The following CLSTN2 variants were observed in gnomAD, a reference collection of about 807,000 sequenced individuals.
The protein encoded by CLSTN2 is calsyntenin-2.
A neutral mutation model predicts 101.2 loss-of-function variants in CLSTN2; 48 were observed. That is an observed-to-expected ratio of 0.47 (90% confidence interval 0.38 to 0.60). The LOEUF (loss-of-function observed/expected upper bound fraction) is 0.60. CLSTN2 is among the 20% of genes least tolerant of loss of function. The pLI, the probability that CLSTN2 is intolerant of heterozygous loss-of-function variation, is 0.00. For missense variants in CLSTN2, 1,160 were observed against 1,238.2 expected, an observed-to-expected ratio of 0.94 and a Z score of 0.95; for synonymous variants, 481 against 463.6, an observed-to-expected ratio of 1.04 and a Z score of -0.48.
intron 1 of CLSTN2, among the ~76,000 whole-genome samples, chr3:139,938,941 T>C (rs1216629088): frequency 7.1e-6 from 1 of 140,406 alleles, no homozygotes; most frequent in Non-Finnish European, 1.6e-5. Context: ...CTACCTTTCT[T>C]TTTTTTTTAA....
At chr3:140,459,824 G>T in intron 7 of CLSTN2, 55 bp downstream of exon 7, 1 of 1,599,308 alleles carries the variant, frequency 6.3e-7, no homozygotes, top group Non-Finnish European at 8.6e-7. Context: ...TGCCCATTTT[G>T]TCACAGGTGG....
intron 1 of CLSTN2, among the ~76,000 whole-genome samples, chr3:139,950,013 G>T (rs543836143): frequency 6.6e-6 from 1 of 152,366 alleles, no homozygotes; most frequent in African/African-American, 2.4e-5. Context: ...GATGCTGAAT[G>T]TGATGAGGCC....
At chr3:139,971,382 A>T (rs1935700291) in intron 1 of CLSTN2, among the ~76,000 whole-genome samples, 1 of 152,232 alleles carries the variant, frequency 6.6e-6, no homozygotes, top group Non-Finnish European at 1.5e-5. Flanking sequence ...AACAAAATTT[A>T]TTCAACAATC....
At chr3:139,963,495 C>A (rs1460499897) in intron 1 of CLSTN2, among the ~76,000 whole-genome samples, 1 of 152,046 alleles carries the variant, frequency 6.6e-6, no homozygotes, top group Non-Finnish European at 1.5e-5. Flanking sequence ...TCACACATGA[C>A]CCACCTTGGA....
chr3:140,311,428 C>T (rs1187173274), intron 2 of CLSTN2, among the ~76,000 whole-genome samples: 2 of 147,108 alleles, frequency 1.4e-5, no homozygotes, highest in Non-Finnish European at 3.0e-5. Flanking sequence ...GCCTCAGCCT[C>T]CCTAGTAGCT....
At chr3:140,259,542 C>G (rs1221233932) in intron 2 of CLSTN2, among the ~76,000 whole-genome samples, 1 of 152,104 alleles carries the variant, frequency 6.6e-6, no homozygotes, top group Non-Finnish European at 1.5e-5. Context: ...TTTTGACATT[C>G]CTGTACAAAT....
intron 8 of CLSTN2, among the ~76,000 whole-genome samples, chr3:140,515,281 T>C (rs905922488): frequency 1.2e-4 from 18 of 147,550 alleles, no homozygotes; most frequent in Admixed American, 4.6e-4. Context: ...ACTAATTGTC[T>C]ATCAGTTTTA....
intron 4 of CLSTN2, among the ~76,000 whole-genome samples, chr3:140,410,241 C>G (rs1013619219): frequency 7.9e-5 from 12 of 151,866 alleles, no homozygotes; most frequent in African/African-American, 2.7e-4. Context: ...TGCCATGACA[C>G]ATTATAATAA....
intron 2 of CLSTN2, among the ~76,000 whole-genome samples, chr3:140,321,722 A>T (rs931373466): frequency 9.9e-5 from 15 of 152,140 alleles, no homozygotes; most frequent in Non-Finnish European, 1.9e-4. Flanking sequence ...GGAGGCATCC[A>T]TGATTCCTCA....
intron 1 of CLSTN2, among the ~76,000 whole-genome samples, chr3:140,102,249 G>A: frequency 6.6e-6 from 1 of 152,198 alleles, no homozygotes; most frequent in East Asian, 1.9e-4. Context: ...TGTTCTCGAA[G>A]ACGGAGTTGT....
At chr3:140,073,358 A>G (rs1261035762) in intron 1 of CLSTN2, among the ~76,000 whole-genome samples, 1 of 152,180 alleles carries the variant, frequency 6.6e-6, no homozygotes, top group East Asian at 1.9e-4. Flanking sequence ...TTGTGTGGAT[A>G]CCCATTGAAA....
chr3:140,248,400 A>T (rs2086534476), intron 2 of CLSTN2, among the ~76,000 whole-genome samples: 1 of 152,196 alleles, frequency 6.6e-6, no homozygotes, highest in African/African-American at 2.4e-5. Context: ...AGAAAGTGGC[A>T]GCAGTTTTGG....
intron 1 of CLSTN2, among the ~76,000 whole-genome samples, chr3:140,035,926 A>G (rs2007642769): frequency 6.6e-6 from 1 of 151,854 alleles, no homozygotes; most frequent in Non-Finnish European, 1.5e-5. Context: ...TTCCCAACTC[A>G]CCTTCCCAGT....
At chr3:139,977,313 A>C (rs1349875276) in intron 1 of CLSTN2, among the ~76,000 whole-genome samples, 1 of 152,062 alleles carries the variant, frequency 6.6e-6, no homozygotes, top group Non-Finnish European at 1.5e-5. Context: ...AGAAGGAGGG[A>C]AGGAGAGGCC....
chr3:140,154,714 G>C (rs1044312685), intron 1 of CLSTN2, among the ~76,000 whole-genome samples: 2 of 136,330 alleles, frequency 1.5e-5, no homozygotes, highest in African/African-American at 5.5e-5. Context: ...GCCCGATCTC[G>C]GCTCACTACA....
At chr3:140,456,108 C>A (rs1933391767) in intron 6 of CLSTN2, among the ~76,000 whole-genome samples, 1 of 152,226 alleles carries the variant, frequency 6.6e-6, no homozygotes, top group Non-Finnish European at 1.5e-5. Flanking sequence ...AGAAAGAACA[C>A]TAACTGGGTA....
At chr3:140,120,579 C>T (rs1289416056) in intron 1 of CLSTN2, among the ~76,000 whole-genome samples, 2 of 152,214 alleles carry the variant, frequency 1.3e-5, no homozygotes, top group Non-Finnish European at 2.9e-5. Flanking sequence ...GCTGAAAGTT[C>T]CAACCCTCTG....
intron 2 of CLSTN2, among the ~76,000 whole-genome samples, chr3:140,301,372 A>G (rs963394421): frequency 5.3e-5 from 8 of 152,226 alleles, no homozygotes; most frequent in African/African-American, 1.9e-4. Context: ...GAAAAAACAT[A>G]TTTTCTAAAA....
intron 8 of CLSTN2, among the ~76,000 whole-genome samples, chr3:140,513,941 A>G (rs531551404): frequency 3.9e-5 from 6 of 152,062 alleles, no homozygotes; most frequent in Non-Finnish European, 8.8e-5. Flanking sequence ...CAGTGATGAT[A>G]TTCCACTTAT....
Sources: gnomAD v4.1 joint callset for allele counts (sites outside exome capture counted in the v4.1 genomes callset) on GRCh38, gnomAD v4.1.1 for gene constraint, MANE v1.5 for transcripts, NCBI Gene and HGNC (gene_info 2026-07-23, HGNC 2026-07-21) for gene names.